Variants in UBE4B observed in about 807,000 individuals in gnomAD.
The protein encoded by UBE4B is ubiquitination factor E4B, also known as ubiquitin conjugation factor E4 B.
A neutral mutation model predicts 148.1 loss-of-function variants in UBE4B; 27 were observed. The ratio of observed to expected loss-of-function variants is 0.18; its 90% CI spans 0.13 to 0.25. The LOEUF is 0.25. Among genes scored for constraint, UBE4B ranks in the 10% least tolerant of loss-of-function variants. The pLI, the probability that UBE4B is intolerant of heterozygous loss-of-function variation, is 1.00. For synonymous variants in UBE4B, 596 were observed against 619.3 expected, an observed-to-expected ratio of 0.96 and a Z score of 0.56; for missense variants, 1,170 against 1,662.4, an observed-to-expected ratio of 0.70 and a Z score of 5.15.
chr1:10,129,592 C>A, intron 12 of UBE4B, 144 bp downstream of exon 12: 1 of 678,842 alleles, frequency 1.5e-6, no homozygotes. Context: ...AGGCTCTCAA[C>A]TGTTACATTT....
At chr1:10,069,534 G>T (rs572454631) in intron 1 of UBE4B, among the ~76,000 whole-genome samples, 5 of 152,154 alleles carry the variant, frequency 3.3e-5, no homozygotes, top group South Asian at 4.2e-4. Context: ...GAAGATACTG[G>T]TTTTTTTCTT....
chr1:10,036,241 C>G (rs945048225), intron 1 of UBE4B, among the ~76,000 whole-genome samples: 1 of 151,994 alleles, frequency 6.6e-6, no homozygotes, highest in South Asian at 2.1e-4. Context: ...TTCATCAGTC[C>G]TTGAGGAAGG....
In UBE4B at chr1:10,036,074, A is replaced by G. The variant is rs529172473; in HGVS notation, c.24+2380A>G. The stretch of plus-strand genomic sequence containing the variant: ...AGTTTTTTAGTAGTCCTTTACTCCT[A>G]TAAATTACTTTTTTTTTTTTTTTTT... On this transcript the variant is annotated intron_variant, in intron 1 of 27. Transcript: ENST00000343090. Among the ~76,000 whole-genome samples the G allele has an allele frequency of 1.6e-4, 24 of 145,962 alleles. No homozygotes were observed. The South Asian group carries it at 4.7e-3, about 29-fold the overall frequency.
At chr1:10,105,010 T>C (rs1645082148) in intron 5 of UBE4B, among the ~76,000 whole-genome samples, 1 of 152,210 alleles carries the variant, frequency 6.6e-6, no homozygotes, top group African/African-American at 2.4e-5. Flanking sequence ...AGCCACATGG[T>C]GACTAGATGT....
chr1:10,121,020 C>G (rs1645401070), intron 9 of UBE4B, among the ~76,000 whole-genome samples: 1 of 151,976 alleles, frequency 6.6e-6, no homozygotes, highest in Non-Finnish European at 1.5e-5. Context: ...AATTAATAAG[C>G]CCTCAGCCAC....
chr1:10,058,347 C>T (rs1452753175), intron 1 of UBE4B, among the ~76,000 whole-genome samples: 1 of 152,208 alleles, frequency 6.6e-6, no homozygotes, highest in African/African-American at 2.4e-5. Context: ...CTACCCCCGT[C>T]TGTTTCCACT....
intron 1 of UBE4B, among the ~76,000 whole-genome samples, chr1:10,040,401 G>A (rs571373810): frequency 6.6e-5 from 10 of 151,738 alleles, no homozygotes; most frequent in Admixed American, 4.6e-4. Flanking sequence ...CAGCTACCAC[G>A]CCAGGCCTCC....
intron 5 of UBE4B, among the ~76,000 whole-genome samples, chr1:10,104,841 A>G (rs911414469): frequency 1.3e-5 from 2 of 152,236 alleles, no homozygotes; most frequent in African/African-American, 4.8e-5. Flanking sequence ...TCTGTCTTAC[A>G]CATGTAAGTG....
chr1:10,082,772 G>T (rs1644703906), intron 2 of UBE4B, among the ~76,000 whole-genome samples: 1 of 150,760 alleles, frequency 6.6e-6, no homozygotes, highest in Non-Finnish European at 1.5e-5. Context: ...AGCCTCTCAT[G>T]CATTAGGTAT....
chr1:10,111,847 C>G (rs1235520590), intron 7 of UBE4B, among the ~76,000 whole-genome samples: 5 of 151,912 alleles, frequency 3.3e-5, no homozygotes, highest in Non-Finnish European at 7.4e-5. Flanking sequence ...ATCCCAGCTA[C>G]TAGAGAGGCT....
intron 1 of UBE4B, among the ~76,000 whole-genome samples, chr1:10,041,602 T>G (rs913638843): frequency 9.9e-5 from 15 of 152,004 alleles, no homozygotes; most frequent in African/African-American, 3.6e-4. Context: ...TCCAAAGTGC[T>G]GGGATTACAA....
chr1:10,127,891 C>T (rs1645528098), intron 11 of UBE4B, among the ~76,000 whole-genome samples: 1 of 152,202 alleles, frequency 6.6e-6, no homozygotes, highest in Non-Finnish European at 1.5e-5. Context: ...GTGTATTTAT[C>T]TATTTAAAAA....
chr1:10,129,823 T>C (rs1645562890), intron 12 of UBE4B, among the ~76,000 whole-genome samples: 1 of 151,684 alleles, frequency 6.6e-6, no homozygotes, highest in Non-Finnish European at 1.5e-5. Context: ...GCTAATTTTT[T>C]TGTATTTTTA....
rs1250241737 is a variant in UBE4B, at chr1:10,105,437, GT to G, written c.581-78del. 2.4e-6 allele frequency: 3 copies of G among 1,270,412 alleles called. No individual in the cohort carries two copies. The African/African-American group carries it at 4.4e-5, about 19-fold the overall frequency. The allele number at this position is 1,270,412 out of a possible 1,614,324, so 78.7% of individuals were successfully genotyped here. On this transcript the variant is annotated intron_variant, in intron 5 of 27. Transcript: ENST00000343090. ...AGGATACTGCATCGAACCATTTGGG[GT>G]CAGCTGGCTTATTCAAGGGCTGTGT...
chr1:10,136,767 A>G (rs1645692601), intron 16 of UBE4B, among the ~76,000 whole-genome samples: 1 of 151,958 alleles, frequency 6.6e-6, no homozygotes, highest in African/African-American at 2.4e-5. Flanking sequence ...TAAAAATGCA[A>G]AAGTAGCCAG....
At chr1:10,157,003 A>G (rs1193536021) in intron 21 of UBE4B, among the ~76,000 whole-genome samples, 8 of 151,914 alleles carry the variant, frequency 5.3e-5, no homozygotes, top group Admixed American at 2.6e-4. Context: ...CCCCATCTGT[A>G]AAAAAATTAA....
chr1:10,130,276 T>G (rs959870134), intron 12 of UBE4B, among the ~76,000 whole-genome samples: 1 of 152,100 alleles, frequency 6.6e-6, no homozygotes, highest in Non-Finnish European at 1.5e-5. Context: ...GGTTTCTCCA[T>G]GTTGGCCAGG....
At chr1:10,154,254 A>AAAAAC (rs1307472201) in intron 21 of UBE4B, among the ~76,000 whole-genome samples, 6 of 151,796 alleles carry the variant, frequency 4.0e-5, no homozygotes, top group African/African-American at 1.5e-4. Context: ...AAACAAAACA[A>AAAAAC]AAAACAAAAC....
rs752003571 is a variant in UBE4B, at chr1:10,137,170, T to C, written c.2328T>C (p.Tyr776=). The C allele has an allele frequency of 6.2e-7, 1 of 1,614,184 alleles. No individual in the cohort carries two copies. The highest frequency in any genetic ancestry group is 8.5e-7 in the Non-Finnish European group (1 of 1,180,036). Residue 776 remains tyrosine, a synonymous_variant, in exon 17 of 28, where the codon TAT becomes TAC. Coordinates refer to ENST00000343090, the MANE Select transcript of UBE4B (RefSeq NM_001105562.3). ...CTATTCTGCCTAGTTGCCGTCGCTATATCCGCAGACTCCGGGCTATCCGGG... is the reference window on the plus strand; with the variant it reads ...CTATTCTGCCTAGTTGCCGTCGCTACATCCGCAGACTCCGGGCTATCCGGG... The part of the protein sequence containing the change: ...HLSILPSCRR[Y]IRRLRAIREL...
Sources: gnomAD v4.1 joint callset for allele counts (sites outside exome capture counted in the v4.1 genomes callset) on GRCh38, gnomAD v4.1.1 for gene constraint, MANE v1.5 for transcripts, NCBI Gene and HGNC (gene_info 2026-07-23, HGNC 2026-07-21) for gene names.